The following MICALL2 variants were observed in gnomAD, a reference collection of about 807,000 sequenced individuals.
The protein encoded by MICALL2 is MICAL-like protein 2.
A neutral mutation model predicts 91.1 loss-of-function variants in MICALL2; 111 were observed. The ratio of observed to expected loss-of-function variants is 1.22; its 90% CI spans 1.04 to 1.43. The LOEUF is 1.43. MICALL2 is among the 40% of genes most tolerant of loss of function. MICALL2 has a pLI of 0.00. For synonymous variants in MICALL2, 694 were observed against 525.3 expected (o/e 1.32, Z -4.39); for missense variants, 1,556 against 1,236.0 (o/e 1.26, Z -3.88).
chr7:1,435,740 G>A (rs1779936486), intron 15 of MICALL2, among the ~76,000 whole-genome samples: 1 of 152,224 alleles, frequency 6.6e-6, no homozygotes, highest in South Asian at 2.1e-4. Flanking sequence ...GACGCACGTG[G>A]CCTTGGAAGT....
intron 9 of MICALL2, chr7:1,439,589 A>C (rs1358649433): frequency 3.9e-6 from 1 of 258,648 alleles, no homozygotes; most frequent in Non-Finnish European, 7.1e-6. Context: ...TGATGTACAC[A>C]TGAATACACA....
chr7:1,449,456 C>G (rs531401666), intron 2 of MICALL2, among the ~76,000 whole-genome samples: 17 of 152,214 alleles, frequency 1.1e-4, no homozygotes, highest in Non-Finnish European at 2.5e-4. Flanking sequence ...ATTACAGGTG[C>G]GCACCACCAC....
At chr7:1,456,551 A>G (rs1290567528) in intron 1 of MICALL2, among the ~76,000 whole-genome samples, 1 of 152,202 alleles carries the variant, frequency 6.6e-6, no homozygotes, top group Non-Finnish European at 1.5e-5. Context: ...GCACCACTGC[A>G]CTCCAGCCTG....
rs964712264 is a variant in MICALL2, at chr7:1,435,508, G to A, written c.2592-361C>T. Reference sequence around the variant, plus strand: ...GACCTGGGACAGGAGGGCCTGGGCCGACCACACAGGTGATGTGGGACAGGA... The same window carrying A: ...GACCTGGGACAGGAGGGCCTGGGCCAACCACACAGGTGATGTGGGACAGGA... On this transcript the variant is annotated intron_variant, in intron 15 of 16. Transcript: ENST00000297508. Among the ~76,000 whole-genome samples, 43 of 151,566 alleles carry A rather than the reference G, an allele frequency of 2.8e-4. 2 individuals are homozygous for A. Among genetic ancestry groups the A allele is most frequent in the East Asian group, 5.8e-4 (3 of 5,138 alleles).
rs374090893 is a variant in MICALL2, at chr7:1,438,328, G to A, written c.2148C>T (p.Val716=). The change falls in exon 11 of 17, where the codon GTC becomes GTT. Residue 716 remains valine (V), a synonymous_variant. Transcript: ENST00000297508. The part of the protein sequence containing the change: ...KPGRPLSPAN[V]PALPGETVTS... ...TCACCGTCTCGCCAGGCAGAGCAGG[G>A]ACATTGGCCGGGGACAAGGGTCTCC... 2.5e-6 allele frequency: 4 copies of A among 1,605,082 alleles called. No individual in the cohort carries two copies. The highest frequency in any genetic ancestry group is 2.2e-5 in the South Asian group (2 of 89,620).
chr7:1,441,017 G>C (rs547749093), intron 7 of MICALL2: 5 of 339,970 alleles, frequency 1.5e-5, no homozygotes, highest in Middle Eastern at 1.9e-3. Flanking sequence ...CCTGAGCCAC[G>C]GCTGCCCGTC....
At position 1,445,335 on chromosome 7, in the gene MICALL2, G is replaced by A. The variant is rs111420730; in HGVS notation, c.735C>T (p.Ala245=). 412 of 1,607,024 alleles carry A rather than the reference G, an allele frequency of 2.6e-4. No homozygotes were observed. The African/African-American group carries it at 4.3e-3, about 17-fold the overall frequency. The change falls in exon 6 of 17, where the codon GCC becomes GCT. Residue 245 remains alanine, a synonymous_variant. Transcript: ENST00000297508. The stretch of plus-strand genomic sequence containing the variant: ...CCGTCAACTTGGGGCTTGCAGAGGC[G>A]GCTGCGGGGAGGTGGCTGGTGCAGA... ...TFVCTSHLPA[A]ASASPKLTGL... is the part of the protein sequence containing the mutation.
In MICALL2 at chr7:1,442,406, C is replaced by A; in HGVS notation, c.1497G>T (p.Pro499=). The A allele has an allele frequency of 6.3e-7, 1 of 1,596,844 alleles. No homozygotes were observed. Among genetic ancestry groups the A allele is most frequent in the Non-Finnish European group, 8.5e-7 (1 of 1,170,546 alleles). The change falls in exon 7 of 17, where the codon CCG becomes CCT. Residue 499 remains proline, a synonymous_variant. Transcript: ENST00000297508. ...EAPQASPLAK[P]LQSSSPRVLG... ...GCACCCGGGGAGACGAGGACTGTAACGGCTTGGCTAAGGGACTTGCTTGTG... is the reference window on the plus strand; with the variant it reads ...GCACCCGGGGAGACGAGGACTGTAAAGGCTTGGCTAAGGGACTTGCTTGTG...
At chr7:1,440,487 G>A (rs1163974455) in intron 8 of MICALL2, 104 bp downstream of exon 8, 9 of 1,022,870 alleles carry the variant, frequency 8.8e-6, no homozygotes, top group African/African-American at 7.9e-5. Flanking sequence ...AGGGAGGTGC[G>A]TCTATCCCTG....
In MICALL2 at chr7:1,439,657, TCA is replaced by T. The variant is rs370881167; in HGVS notation, c.1966+266_1966+267del. ...TGGACATGCATCACGTGCACATGCATCACACACATGAACACAGATGTACACAT... is the reference window on the plus strand; with the variant it reads ...TGGACATGCATCACGTGCACATGCATCACACATGAACACAGATGTACACAT... On this transcript the variant is annotated intron_variant, in intron 9 of 16. Coordinates refer to ENST00000297508, the MANE Select transcript of MICALL2 (RefSeq NM_182924.4). The T allele has an allele frequency of 4.5e-4, 172 of 384,374 alleles. 2 individuals carry two copies. The East Asian group carries it at 4.5e-3, about 10-fold the overall frequency. 23.8% of individuals were successfully genotyped at this position (384,374 alleles called of 1,614,324 possible).
chr7:1,450,352 CTCAGAGG>C (rs1562465859), intron 1 of MICALL2, 64 bp from the exon 2 acceptor site: 4 of 1,385,640 alleles, frequency 2.9e-6, no homozygotes, highest in Non-Finnish European at 4.1e-6. Flanking sequence ...GCTGGAGGGC[CTCAGAGG>C]TCATCTTGCC....
chr7:1,445,448 G>A lies in MICALL2; in HGVS notation c.642-20C>T, dbSNP rs1247260574. ...TTACACCTGGGGGAGGAAAGGCACA[G>A]GAGCCCCAGCTCGGCACCGCCCACC... On this transcript the variant is annotated intron_variant, in intron 5 of 16. Transcript: ENST00000297508. 2 of 1,498,358 alleles carry A rather than the reference G, an allele frequency of 1.3e-6. No homozygotes were observed. 92.8% of individuals were successfully genotyped at this position (1,498,358 alleles called of 1,614,324 possible).
chr7:1,439,585 A>G (rs548224566), intron 9 of MICALL2: 122 of 253,992 alleles, frequency 4.8e-4, no homozygotes, highest in African/African-American at 1.6e-3. Flanking sequence ...ACACTGATGT[A>G]CACATGAATA....
intron 1 of MICALL2, among the ~76,000 whole-genome samples, chr7:1,455,184 G>A (rs572921543): frequency 3.7e-4 from 57 of 152,316 alleles, no homozygotes; most frequent in African/African-American, 1.3e-3. Context: ...CCATCTGCCC[G>A]AGGGCTGTGC....
rs891984026 is a variant in MICALL2 at position 1,437,571 on chromosome 7, T to G, written c.2440A>C (p.Ile814Leu). 17 of 1,535,620 alleles carry G rather than the reference T, an allele frequency of 1.1e-5. No homozygotes were observed. The African/African-American group carries it at 2.3e-4, about 21-fold the overall frequency. ...ATGAGCCGGCGCAGCTCGCCCTCGATGTCCAGCTGCTGCTCCTCCAGACGC... is the reference window on the plus strand; with the variant it reads ...ATGAGCCGGCGCAGCTCGCCCTCGAGGTCCAGCTGCTGCTCCTCCAGACGC... ...AQRLEEQQLD[I>L]EGELRRLMAK... is the part of the protein sequence containing the mutation. The change falls in exon 14 of 17, where the codon ATC (isoleucine) becomes CTC (leucine). Residue 814 changes from isoleucine to leucine, a missense_variant. Ile to Leu is a conservative substitution (Grantham distance 5). Transcript: ENST00000297508.
chr7:1,436,961 G>A (rs932367407), intron 14 of MICALL2, 105 bp from the exon 15 acceptor site: 1 of 793,172 alleles, frequency 1.3e-6, no homozygotes, highest in African/African-American at 1.8e-5. Context: ...TTTGGAGGAA[G>A]AAGGTGGGGT....
intron 3 of MICALL2, among the ~76,000 whole-genome samples, chr7:1,448,276 G>C (rs937442724): frequency 3.9e-5 from 6 of 152,262 alleles, no homozygotes; most frequent in Non-Finnish European, 5.9e-5. Flanking sequence ...CAGGGGTCCA[G>C]ATGGGCAAAC....
chr7:1,438,433 G>A (rs993554076), intron 10 of MICALL2, 80 bp from the exon 11 acceptor site: 2 of 1,538,126 alleles, frequency 1.3e-6, no homozygotes, highest in African/African-American at 1.4e-5. Flanking sequence ...GAAGGAGCCT[G>A]ACCTCAGCAC....
intron 1 of MICALL2, among the ~76,000 whole-genome samples, chr7:1,454,778 G>A (rs1036255507): frequency 2.0e-5 from 3 of 152,108 alleles, no homozygotes; most frequent in Non-Finnish European, 4.4e-5. Flanking sequence ...CTGGGTGGGG[G>A]CCTCTGCGTG....
Sources: gnomAD v4.1 joint callset for allele counts (sites outside exome capture counted in the v4.1 genomes callset) on GRCh38, gnomAD v4.1.1 for gene constraint, MANE v1.5 for transcripts, NCBI Gene and HGNC (gene_info 2026-07-23, HGNC 2026-07-21) for gene names.